Variants in TBC1D13 observed in about 807,000 individuals in gnomAD.
TBC1D13 encodes epididymis secretory sperm binding protein.
Under a neutral mutation model 53.6 loss-of-function variants are expected in TBC1D13, and 40 were observed. The ratio of observed to expected loss-of-function variants is 0.75; its 90% CI spans 0.58 to 0.97. The LOEUF (loss-of-function observed/expected upper bound fraction) is 0.97, where lower values mean the gene tolerates loss of function less well. Among genes scored for constraint, TBC1D13 ranks in the 50% least tolerant of loss-of-function variants. The pLI, the probability that TBC1D13 is intolerant of heterozygous loss-of-function variation, is 0.00. For missense variants in TBC1D13, 377 were observed against 499.4 expected (o/e 0.75, Z 2.34); for synonymous variants, 182 against 197.7 (o/e 0.92, Z 0.67).
intron 6 of TBC1D13, 108 bp from the exon 7 acceptor site, chr9:128,796,943 AAAAC>A: frequency 4.6e-6 from 6 of 1,291,248 alleles, no homozygotes; most frequent in Non-Finnish European, 6.5e-6. Flanking sequence ...CTCAAAAACA[AAAAC>A]AAAAACAAAA....
Position 128,803,286 on chromosome 9 carries a change from C to T in TBC1D13, c.580C>T (p.Leu194=), listed in dbSNP as rs1186863374. ...ACACAAGAACTCTGTGCCATCATCCCTAAATGAGTATGAGGTGCTGCCCAA... is the reference window on the plus strand; with the variant it reads ...ACACAAGAACTCTGTGCCATCATCCTTAAATGAGTATGAGGTGCTGCCCAA... ...SPHKNSVPSS[L]NEYEVLPNGC... Residue 194 remains leucine, a synonymous_variant, in exon 8 of 12, where the codon CTA becomes TTA. Transcript: ENST00000372648. 1 of 1,614,188 alleles carries T rather than the reference C, an allele frequency of 6.2e-7. No individual in the cohort carries two copies. Among genetic ancestry groups the T allele is most frequent in the South Asian group, 1.1e-5 (1 of 91,084 alleles).
Position 128,792,714 on chromosome 9 carries a change from A to G in TBC1D13, c.383+140A>G, listed in dbSNP as rs1829557315. On this transcript the variant is annotated intron_variant, in intron 6 of 11. Coordinates refer to ENST00000372648, the MANE Select transcript of TBC1D13 (RefSeq NM_018201.5). ...GTGGATTGTCCCAGCGGTTGGGTCC[A>G]GGCACTATTGATGATAGGCTGAGAA... 3 of 733,092 alleles carry G rather than the reference A, an allele frequency of 4.1e-6. No homozygotes were observed. In the African/African-American group the frequency reaches 5.3e-5, roughly 13 times the overall value. The allele number at this position is 733,092 out of a possible 1,614,324, so 45.4% of individuals were successfully genotyped here.
At chr9:128,806,462 C>A (rs1829836735) in intron 11 of TBC1D13, 151 bp downstream of exon 11, 4 of 919,942 alleles carry the variant, frequency 4.3e-6, no homozygotes, top group Non-Finnish European at 5.0e-6. Context: ...TGGTTTGGAT[C>A]TGGGTTTGAA....
chr9:128,798,664 T>C (rs1829678959), intron 7 of TBC1D13, among the ~76,000 whole-genome samples: 1 of 152,182 alleles, frequency 6.6e-6, no homozygotes, highest in African/African-American at 2.4e-5. Context: ...CCTGTCACTC[T>C]GAGAAGCTCC....
intron 2 of TBC1D13, among the ~76,000 whole-genome samples, chr9:128,788,709 T>G (rs1829475139): frequency 2.1e-5 from 1 of 47,318 alleles, no homozygotes; most frequent in African/African-American, 9.0e-5. Flanking sequence ...GACTGAAGCC[T>G]GGAGAATGAG....
intron 7 of TBC1D13, among the ~76,000 whole-genome samples, chr9:128,802,918 A>G (rs1204231922): frequency 6.6e-6 from 1 of 152,012 alleles, no homozygotes; most frequent in African/African-American, 2.4e-5. Context: ...CATTTTTTGT[A>G]GAGACGGGAT....
chr9:128,792,141 C>T lies in TBC1D13; in HGVS notation c.301-351C>T, dbSNP rs146186151. On this transcript the variant is annotated intron_variant, in intron 5 of 11. Coordinates refer to ENST00000372648, the MANE Select transcript of TBC1D13 (RefSeq NM_018201.5). Reference sequence around the variant, plus strand: ...ACTCAGAGCATCGATGAATGAGAGCCGAAGAAACCAAATTCATTCATTCAG... The same window carrying T: ...ACTCAGAGCATCGATGAATGAGAGCTGAAGAAACCAAATTCATTCATTCAG... Among the ~76,000 whole-genome samples the T allele has an allele frequency of 5.6e-3, 854 of 152,290 alleles. 6 individuals carry two copies. Among genetic ancestry groups the T allele is most frequent in the Middle Eastern group, 0.027 (8 of 294 alleles).
intron 6 of TBC1D13, among the ~76,000 whole-genome samples, chr9:128,793,841 G>A (rs1417576035): frequency 6.6e-6 from 1 of 152,226 alleles, no homozygotes; most frequent in Admixed American, 6.5e-5. Flanking sequence ...ACAGACAGGT[G>A]CCCCTCCATT....
intron 6 of TBC1D13, among the ~76,000 whole-genome samples, chr9:128,795,211 C>A (rs1399910155): frequency 6.7e-6 from 1 of 150,306 alleles, no homozygotes; most frequent in African/African-American, 2.4e-5. Context: ...CATGCCACCA[C>A]ACCCAGCTAA....
chr9:128,797,298 C>T (rs577731884), intron 7 of TBC1D13, 84 bp downstream of exon 7: 34 of 1,412,062 alleles, frequency 2.4e-5, no homozygotes, highest in African/African-American at 1.8e-4. Context: ...CACAAGGTGT[C>T]GGGCCATGAC....
At chr9:128,807,743 G>C in intron 11 of TBC1D13, 71 bp from the exon 12 acceptor site, 1 of 1,525,800 alleles carries the variant, frequency 6.6e-7, no homozygotes, top group South Asian at 1.1e-5. Context: ...ACGGGTCCCA[G>C]CAGGGAGGGT....
rs73669973 is a variant in TBC1D13, at chr9:128,804,234, G to A, written c.918+115G>A. 6,357 of 1,237,178 alleles carry A rather than the reference G, an allele frequency of 5.1e-3. 244 individuals carry two copies. The African/African-American group carries it at 0.083, about 16-fold the overall frequency. The allele number at this position is 1,237,178 out of a possible 1,614,324, so 76.6% of individuals were successfully genotyped here. A position where few individuals can be genotyped will look rare whatever the true frequency, so the allele number is the denominator to read the frequency against. ...CTGGGGGTCAGAAGTAGCTGCTGCT[G>A]CTGCTGCCCGGGACGCTGACCCATG... On this transcript the variant is annotated intron_variant, in intron 9 of 11. Transcript: ENST00000372648.
chr9:128,797,924 C>T (rs772901337), intron 7 of TBC1D13, among the ~76,000 whole-genome samples: 28 of 152,152 alleles, frequency 1.8e-4, no homozygotes, highest in Non-Finnish European at 1.9e-4. Flanking sequence ...CCTGACTAAC[C>T]CGGGGATTTA....
intron 6 of TBC1D13, among the ~76,000 whole-genome samples, chr9:128,794,913 TCTC>T: frequency 6.6e-6 from 1 of 151,834 alleles, no homozygotes; most frequent in South Asian, 2.1e-4. Context: ...CTAGACACCA[TCTC>T]CCAACTTGTT....
At position 128,788,417 on chromosome 9, in the gene TBC1D13, C is replaced by A. The variant is rs1319355940; in HGVS notation, c.97+10C>A. On this transcript the variant is annotated intron_variant, in intron 2 of 11. Coordinates refer to ENST00000372648, the MANE Select transcript of TBC1D13 (RefSeq NM_018201.5). ...GAACTCAGCTTTAGTGGTAAGAAGC[C>A]ATTCTGTATTTTCACGGTTTCCCTA... The A allele has an allele frequency of 1.2e-6, 2 of 1,613,160 alleles. No homozygotes were observed. The highest frequency in any genetic ancestry group is 1.7e-6 in the Non-Finnish European group (2 of 1,179,236).
intron 7 of TBC1D13, among the ~76,000 whole-genome samples, chr9:128,798,921 C>T (rs1272358393): frequency 6.6e-6 from 1 of 152,084 alleles, no homozygotes; most frequent in East Asian, 1.9e-4. Context: ...GCGATGACAC[C>T]CAGACTGGTT....
At chr9:128,806,100 G>C (rs1230451582) in intron 10 of TBC1D13, 81 bp downstream of exon 10, 3 of 1,585,632 alleles carry the variant, frequency 1.9e-6, no homozygotes, top group South Asian at 1.1e-5. Flanking sequence ...CGCCCCGAAG[G>C]GTGGGCAGGG....
At chr9:128,791,509 C>T (rs1375850131) in intron 4 of TBC1D13, 68 bp downstream of exon 4, 16 of 1,606,286 alleles carry the variant, frequency 1.0e-5, no homozygotes, top group South Asian at 3.3e-5. Context: ...CCGCTGGGGC[C>T]GCCCTGCCTC....
At position 128,791,350 on chromosome 9, in the gene TBC1D13, C is replaced by T. The variant is rs1283650576; in HGVS notation, c.139-30C>T. On this transcript the variant is annotated intron_variant, in intron 3 of 11. Transcript: ENST00000372648. ...GACTGACGTTGGTGCAGGAGGGTCA[C>T]CAGAGCTTTGCCCTTCTCCCTCTGT... 7 of 1,611,112 alleles carry T rather than the reference C, an allele frequency of 4.3e-6. No homozygotes were observed. In the South Asian group the frequency reaches 5.5e-5, roughly 13 times the overall value.
Sources: gnomAD v4.1 joint callset for allele counts (sites outside exome capture counted in the v4.1 genomes callset) on GRCh38, gnomAD v4.1.1 for gene constraint, MANE v1.5 for transcripts, NCBI Gene and HGNC (gene_info 2026-07-23, HGNC 2026-07-21) for gene names.